The following CSMD3 variants were observed in gnomAD, a reference collection of about 807,000 sequenced individuals.
CSMD3 encodes the protein CUB and sushi domain-containing protein 3.
A neutral mutation model predicts 435.2 loss-of-function variants in CSMD3; 177 were observed. That is an observed-to-expected ratio of 0.41 (90% CI 0.36 to 0.46). The LOEUF (loss-of-function observed/expected upper bound fraction) is 0.46. Ranked by LOEUF, CSMD3 falls within the 20% of genes least tolerant of loss-of-function variation. The pLI is 0.34. For missense variants in CSMD3, 4,265 were observed against 4,504.6 expected (o/e 0.95, Z 1.52); for synonymous variants, 1,656 against 1,520.5 (o/e 1.09, Z -2.07).
At chr8:112,584,854 A>C (rs1246803881) in intron 23 of CSMD3, among the ~76,000 whole-genome samples, 1 of 151,538 alleles carries the variant, frequency 6.6e-6, no homozygotes, top group South Asian at 2.2e-4. Flanking sequence ...ATTGTAAAGT[A>C]CTGGAGATGG....
intron 9 of CSMD3, among the ~76,000 whole-genome samples, chr8:112,937,114 T>G (rs2083303026): frequency 6.6e-6 from 1 of 152,118 alleles, no homozygotes; most frequent in South Asian, 2.1e-4. Context: ...CCTACCCAAC[T>G]TGAGTATTTT....
chr8:113,276,717 T>C (rs1208189079), intron 3 of CSMD3, among the ~76,000 whole-genome samples: 1 of 152,068 alleles, frequency 6.6e-6, no homozygotes, highest in Non-Finnish European at 1.5e-5. Context: ...TTTAAGATTA[T>C]TTTAAGATGT....
At position 113,292,779 on chromosome 8, in the gene CSMD3, T is replaced by G. The variant is rs2093694978; in HGVS notation, c.402-14075A>C. On this transcript the variant is annotated intron_variant, in intron 2 of 70. Coordinates refer to ENST00000297405, the MANE Select transcript of CSMD3 (RefSeq NM_198123.2). ...GGTTGATGCAAAAGTAATTGAGGATTTGCCATTATTTTTTAAAGGTGAAAA... is the reference window on the plus strand; with the variant it reads ...GGTTGATGCAAAAGTAATTGAGGATGTGCCATTATTTTTTAAAGGTGAAAA... 4.6e-5 allele frequency among the ~76,000 whole-genome samples: 7 copies of G among 151,838 alleles called. No individual in the cohort carries two copies. The South Asian group carries it at 1.5e-3, about 32-fold the overall frequency.
intron 12 of CSMD3, among the ~76,000 whole-genome samples, chr8:112,820,641 ATTT>A (rs112907451): frequency 2.8e-5 from 4 of 142,680 alleles, no homozygotes; most frequent in Admixed American, 7.0e-5. Flanking sequence ...TGAGGCCTTA[ATTT>A]TTTTTTTTTT....
At chr8:112,579,628 A>G (rs966572730) in intron 23 of CSMD3, among the ~76,000 whole-genome samples, 4 of 152,022 alleles carry the variant, frequency 2.6e-5, no homozygotes, top group South Asian at 2.1e-4. Flanking sequence ...GGCACTGGCT[A>G]TGTTCAACAA....
At chr8:113,258,222 GT>G (rs2132339800) in intron 3 of CSMD3, among the ~76,000 whole-genome samples, 2 of 152,282 alleles carry the variant, frequency 1.3e-5, no homozygotes, top group East Asian at 3.9e-4. Flanking sequence ...CTTATTGTAT[GT>G]TTTGGAATAC....
At chr8:113,061,774 A>T (rs1242015084) in intron 5 of CSMD3, among the ~76,000 whole-genome samples, 1 of 152,018 alleles carries the variant, frequency 6.6e-6, no homozygotes, top group Non-Finnish European at 1.5e-5. Context: ...TTAAAGCAGG[A>T]TATCAAAAAT....
chr8:112,372,667 T>C (rs572721550), intron 38 of CSMD3, among the ~76,000 whole-genome samples: 77 of 152,028 alleles, frequency 5.1e-4, no homozygotes, highest in African/African-American at 1.7e-3. Flanking sequence ...GTGGGCAACA[T>C]GGTGAAACCC....
At chr8:112,686,095 G>A (rs2076005201) in intron 14 of CSMD3, among the ~76,000 whole-genome samples, 1 of 152,122 alleles carries the variant, frequency 6.6e-6, no homozygotes, top group Non-Finnish European at 1.5e-5. Flanking sequence ...AATGATTGAA[G>A]ACAAAAAATA....
intron 5 of CSMD3, among the ~76,000 whole-genome samples, chr8:113,068,105 T>C (rs2088941631): frequency 1.3e-5 from 2 of 152,180 alleles, no homozygotes; most frequent in South Asian, 4.1e-4. Context: ...AAATGCTGTA[T>C]AAAAAGAGTT....
At chr8:112,661,713 A>G (rs1359633356) in intron 17 of CSMD3, among the ~76,000 whole-genome samples, 1 of 152,152 alleles carries the variant, frequency 6.6e-6, no homozygotes, top group Admixed American at 6.6e-5. Flanking sequence ...TTAAAACTGA[A>G]TAAGAGAATA....
chr8:113,079,755 T>C (rs529687269), intron 5 of CSMD3, among the ~76,000 whole-genome samples: 19 of 152,146 alleles, frequency 1.2e-4, no homozygotes, highest in Non-Finnish European at 2.1e-4. Flanking sequence ...ATTTTTGGAG[T>C]TCTTTGAGAA....
At chr8:112,836,554 A>G (rs2080030107) in intron 11 of CSMD3, among the ~76,000 whole-genome samples, 1 of 151,826 alleles carries the variant, frequency 6.6e-6, no homozygotes, top group South Asian at 2.1e-4. Context: ...CTTTTGCAAA[A>G]TGATTTCTTG....
rs535437690 is a variant in CSMD3 at position 113,016,172 on chromosome 8, A to G, written c.1030+2895T>C. 2.6e-5 allele frequency among the ~76,000 whole-genome samples: 4 copies of G among 151,932 alleles called. No individual in the cohort carries two copies. The East Asian group carries it at 7.7e-4, about 29-fold the overall frequency. On this transcript the variant is annotated intron_variant, in intron 6 of 70. Coordinates refer to ENST00000297405, the MANE Select transcript of CSMD3 (RefSeq NM_198123.2). Reference sequence around the variant, plus strand: ...GAAGGCAAAAGATGTTTTATTTTAAATACGAGTGGGCATATTCAATACAGG... The same window carrying G: ...GAAGGCAAAAGATGTTTTATTTTAAGTACGAGTGGGCATATTCAATACAGG...
chr8:113,397,732 G>A (rs1340985210), intron 1 of CSMD3, among the ~76,000 whole-genome samples: 2 of 151,944 alleles, frequency 1.3e-5, no homozygotes, highest in East Asian at 3.9e-4. Context: ...GCAGGAGAAT[G>A]GCGTGAACCC....
At chr8:112,750,530 T>C (rs2132100246) in intron 13 of CSMD3, among the ~76,000 whole-genome samples, 1 of 152,170 alleles carries the variant, frequency 6.6e-6, no homozygotes, top group South Asian at 2.1e-4. Context: ...ATGCTTTGTA[T>C]ATGATAGTAA....
At chr8:112,426,415 A>G (rs1257152560) in intron 32 of CSMD3, among the ~76,000 whole-genome samples, 3 of 151,972 alleles carry the variant, frequency 2.0e-5, no homozygotes, top group Non-Finnish European at 4.4e-5. Flanking sequence ...GAAACAACTG[A>G]ATTATTCCAT....
At chr8:113,178,167 T>A (rs2092374783) in intron 3 of CSMD3, among the ~76,000 whole-genome samples, 1 of 151,960 alleles carries the variant, frequency 6.6e-6, no homozygotes, top group South Asian at 2.1e-4. Flanking sequence ...TCAGCTTTGA[T>A]AGGCATTTGG....
chr8:112,994,988 T>C (rs958074897), intron 6 of CSMD3, among the ~76,000 whole-genome samples: 3 of 151,490 alleles, frequency 2.0e-5, no homozygotes, highest in African/African-American at 4.8e-5. Flanking sequence ...CAAAAAATAA[T>C]AAATATTTTT....
Sources: gnomAD v4.1 joint callset for allele counts (sites outside exome capture counted in the v4.1 genomes callset) on GRCh38, gnomAD v4.1.1 for gene constraint, MANE v1.5 for transcripts, NCBI Gene and HGNC (gene_info 2026-07-23, HGNC 2026-07-21) for gene names.